Variants in TENM2 observed in about 807,000 individuals in gnomAD.
TENM2 encodes the protein teneurin-2.
TENM2 carries 52 observed loss-of-function variants against 245.2 expected under a neutral mutation model. That is an observed-to-expected ratio of 0.21 (90% CI 0.17 to 0.27). TENM2 has a LOEUF of 0.27. TENM2 is among the 10% of genes least tolerant of loss of function. The probability of loss-of-function intolerance (pLI) is 1.00; values close to 1 mark genes in which losing one functional copy is unlikely to be tolerated. For synonymous variants in TENM2, 1,363 were observed against 1,438.9 expected, an observed-to-expected ratio of 0.95 and a Z score of 1.19; for missense variants, 3,046 against 3,666.8, an observed-to-expected ratio of 0.83 and a Z score of 4.37.
At position 168,064,808 on chromosome 5, in the gene TENM2, C is replaced by T. The variant is rs544536566; in HGVS notation, c.1515+2543C>T. 5.3e-4 allele frequency among the ~76,000 whole-genome samples: 81 copies of T among 152,234 alleles called. 1 individual carries two copies. Among genetic ancestry groups the T allele is most frequent in the Middle Eastern group, 6.8e-3 (2 of 294 alleles). On this transcript the variant is annotated intron_variant, in intron 7 of 28. Coordinates refer to ENST00000518659, the Ensembl canonical transcript of TENM2. ...TTGAGGGGTCAAGTAAGCAAGCCAC[C>T]GTGCCGATGCTTAGAAATTCGCAAG... is the stretch of plus-strand genomic sequence containing the variant.
chr5:167,201,556 AGTG>A, the TENM2 span, among the ~76,000 whole-genome samples: 1 of 152,194 alleles, frequency 6.6e-6, no homozygotes, highest in East Asian at 1.9e-4. Flanking sequence ...TCATTAGCAC[AGTG>A]GATTGTAATG....
intron 2 of TENM2, among the ~76,000 whole-genome samples, chr5:167,600,088 T>TAGCCAACACTGCACCACTC (rs1314946515): frequency 1.5e-4 from 23 of 149,398 alleles, no homozygotes; most frequent in South Asian, 4.4e-4. Flanking sequence ...GGAGTTTGCT[T>TAGCCAACACTGCACCACTC]CATTTATAGG....
intron 1 of TENM2, among the ~76,000 whole-genome samples, chr5:167,366,401 A>G: frequency 6.6e-6 from 1 of 152,142 alleles, no homozygotes; most frequent in East Asian, 1.9e-4. Flanking sequence ...CTGTAGACTG[A>G]TGATCATCAT....
chr5:167,525,365 T>C (rs1291516346), intron 2 of TENM2, among the ~76,000 whole-genome samples: 1 of 152,276 alleles, frequency 6.6e-6, no homozygotes, highest in Non-Finnish European at 1.5e-5. Flanking sequence ...ATTCTCTTTA[T>C]ATAATGGTGT....
At chr5:168,027,283 T>C (rs1786710831) in intron 5 of TENM2, among the ~76,000 whole-genome samples, 1 of 152,176 alleles carries the variant, frequency 6.6e-6, no homozygotes, top group African/African-American at 2.4e-5. Context: ...AGGAGTCTGT[T>C]CTAAGTGCAC....
chr5:167,858,513 A>G (rs1006866852), intron 2 of TENM2, among the ~76,000 whole-genome samples: 16 of 152,180 alleles, frequency 1.1e-4, no homozygotes, highest in Non-Finnish European at 2.2e-4. Context: ...CTTTCCTGGC[A>G]ACTATGATTA....
chr5:167,999,946 C>T (rs1185857429), intron 5 of TENM2, among the ~76,000 whole-genome samples: 5 of 152,226 alleles, frequency 3.3e-5, no homozygotes, highest in Admixed American at 6.5e-5. Context: ...CCCAGGACTT[C>T]GTGCCTCCAC....
At chr5:168,239,680 TATC>T (rs1765914221) in intron 25 of TENM2, among the ~76,000 whole-genome samples, 1 of 152,230 alleles carries the variant, frequency 6.6e-6, no homozygotes, top group Admixed American at 6.5e-5. Flanking sequence ...CACACACTAA[TATC>T]ATCCTTATTA....
intron 2 of TENM2, among the ~76,000 whole-genome samples, chr5:167,378,235 A>G (rs1760882087): frequency 6.6e-6 from 1 of 152,148 alleles, no homozygotes; most frequent in Non-Finnish European, 1.5e-5. Context: ...AAAGTCATAT[A>G]GTAAAATCTT....
At chr5:167,226,506 A>G in the TENM2 span, among the ~76,000 whole-genome samples, 1 of 152,012 alleles carries the variant, frequency 6.6e-6, no homozygotes, top group Admixed American at 6.6e-5. Context: ...CTGAGAAGAT[A>G]CTTGATATGT....
rs546282060 is a variant in TENM2 at position 167,587,509 on chromosome 5, A to G, written c.502+212036A>G. Among the ~76,000 whole-genome samples the G allele has an allele frequency of 3.3e-5, 5 of 152,222 alleles. No individual in the cohort carries two copies. The South Asian group carries it at 8.3e-4, about 25-fold the overall frequency. On this transcript the variant is annotated intron_variant, in intron 2 of 28. Transcript: ENST00000518659. ...CCAGTGGGTCGGATCAATGCACACT[A>G]GTGTTCTGGGTATAATGTTTCCATG... is the stretch of plus-strand genomic sequence containing the variant.
intron 3 of TENM2, among the ~76,000 whole-genome samples, chr5:167,930,270 TA>T (rs1450610968): frequency 4.6e-5 from 7 of 152,172 alleles, no homozygotes; most frequent in Non-Finnish European, 1.0e-4. Context: ...TAACACTTAT[TA>T]TTTTTTTTAA....
intron 12 of TENM2, among the ~76,000 whole-genome samples, chr5:168,147,891 G>A (rs1756248790): frequency 3.3e-5 from 5 of 152,172 alleles, no homozygotes; most frequent in Admixed American, 3.3e-4. Flanking sequence ...AACCGGAATA[G>A]AACTCAGGCT....
the TENM2 span, among the ~76,000 whole-genome samples, chr5:167,210,393 C>G: frequency 6.7e-4 from 101 of 151,780 alleles, no homozygotes; most frequent in Admixed American, 2.0e-3. Flanking sequence ...ATTAATTTCC[C>G]TTTGCCTAAA....
At chr5:167,893,723 A>G (rs1774948752) in intron 3 of TENM2, among the ~76,000 whole-genome samples, 1 of 151,882 alleles carries the variant, frequency 6.6e-6, no homozygotes, top group Non-Finnish European at 1.5e-5. Context: ...TAATTTCCAA[A>G]CGCTTTTAAA....
chr5:167,094,485 T>A, the TENM2 span, among the ~76,000 whole-genome samples: 1 of 152,180 alleles, frequency 6.6e-6, no homozygotes, highest in Non-Finnish European at 1.5e-5. Context: ...GAATCAATTG[T>A]TTATATCTTT....
intron 4 of TENM2, among the ~76,000 whole-genome samples, chr5:167,964,964 A>G (rs977008363): frequency 6.6e-6 from 1 of 152,206 alleles, no homozygotes; most frequent in South Asian, 2.1e-4. Context: ...TAGCTGCCCT[A>G]TGATAAATGG....
the TENM2 span, among the ~76,000 whole-genome samples, chr5:167,101,938 ATTT>A: frequency 1.2e-4 from 13 of 111,124 alleles, no homozygotes; most frequent in African/African-American, 5.1e-4. Flanking sequence ...ATATATATAT[ATTT>A]TTTTTTTTTT....
At position 167,568,424 on chromosome 5, in the gene TENM2, A is replaced by G. The variant is rs2127654931; in HGVS notation, c.502+192951A>G. 1.3e-5 allele frequency among the ~76,000 whole-genome samples: 2 copies of G among 152,234 alleles called. 1 individual carries two copies. Among genetic ancestry groups the G allele is most frequent in the East Asian group, 3.9e-4 (2 of 5,174 alleles). The stretch of plus-strand genomic sequence containing the variant: ...GCTCATTCATGTATCAGACCCACAT[A>G]TACTGAACACTCACCATGTGTTAGG... On this transcript the variant is annotated intron_variant, in intron 2 of 28. Coordinates refer to ENST00000518659, the Ensembl canonical transcript of TENM2.
Sources: allele counts gnomAD v4.1 joint callset (sites outside exome capture counted in the v4.1 genomes callset), GRCh38; gene constraint gnomAD v4.1.1; transcripts MANE v1.5; gene names NCBI Gene and HGNC (gene_info 2026-07-23, HGNC 2026-07-21).